The following SFMBT2 variants were observed in gnomAD, a reference collection of about 807,000 sequenced individuals.
SFMBT2 encodes the protein Scm like with four mbt domains 2.
A neutral mutation model predicts 110.1 loss-of-function variants in SFMBT2; 38 were observed. The ratio of observed to expected loss-of-function variants is 0.35; its 90% CI spans 0.27 to 0.45. The LOEUF is 0.45. SFMBT2 is among the 20% of genes least tolerant of loss of function. SFMBT2 has a pLI of 1.00. For missense variants in SFMBT2, 1,011 were observed against 1,094.9 expected (o/e 0.92, Z 1.08); for synonymous variants, 425 against 425.4 (o/e 1.00, Z 0.01).
chr10:7,178,236 C>A (rs1838137065), intron 16 of SFMBT2, among the ~76,000 whole-genome samples: 1 of 152,182 alleles, frequency 6.6e-6, no homozygotes. Flanking sequence ...ACCTTTCCTT[C>A]TCGGTTCACA....
At chr10:7,179,625 A>G (rs972024904) in intron 16 of SFMBT2, among the ~76,000 whole-genome samples, 4 of 152,216 alleles carry the variant, frequency 2.6e-5, no homozygotes, top group African/African-American at 4.8e-5. Flanking sequence ...ATAATGAGAC[A>G]TAAGAACGCA....
At chr10:7,328,085 C>T (rs1843451679) in intron 4 of SFMBT2, among the ~76,000 whole-genome samples, 1 of 152,204 alleles carries the variant, frequency 6.6e-6, no homozygotes, top group African/African-American at 2.4e-5. Flanking sequence ...GGGATCACAC[C>T]ACTAGCAACA....
intron 8 of SFMBT2, 139 bp downstream of exon 8, chr10:7,248,409 G>T: frequency 1.5e-6 from 1 of 668,914 alleles, no homozygotes; most frequent in South Asian, 1.9e-5. Context: ...TGGACTGGAA[G>T]GGCGGCAATC....
At chr10:7,234,688 G>A (rs79374258) in intron 9 of SFMBT2, among the ~76,000 whole-genome samples, 31 of 152,210 alleles carry the variant, frequency 2.0e-4, no homozygotes, top group Admixed American at 3.3e-4. Context: ...CGGGCGGGAC[G>A]ATCTGACAGT....
At chr10:7,193,576 T>A (rs554052244) in intron 15 of SFMBT2, among the ~76,000 whole-genome samples, 1 of 151,054 alleles carries the variant, frequency 6.6e-6, no homozygotes, top group African/African-American at 2.4e-5. Context: ...CTCACCTTCA[T>A]CATGGGTCTG....
At chr10:7,361,751 C>T (rs1178534843) in intron 4 of SFMBT2, among the ~76,000 whole-genome samples, 1 of 152,158 alleles carries the variant, frequency 6.6e-6, no homozygotes, top group East Asian at 1.9e-4. Context: ...ATAATTCCAA[C>T]ACTTTTATGG....
rs1261239357 is a variant in SFMBT2 at position 7,301,839 on chromosome 10, A to AG, written c.437-15886dup. Among the ~76,000 whole-genome samples the AG allele has an allele frequency of 6.6e-6, 1 of 151,992 alleles. No individual in the cohort carries two copies. Among genetic ancestry groups the AG allele is most frequent in the East Asian group, 1.9e-4 (1 of 5,168 alleles). On this transcript the variant is annotated intron_variant, in intron 4 of 20. Coordinates refer to ENST00000397167, the MANE Select transcript of SFMBT2 (RefSeq NM_001387889.1). This position sits in a 1 kb window ranked among gnomAD's most constrained non-coding sequence, Gnocchi z 4.2. ...GAACTGCGTGGCTCTAGACTATCGAAGGGGAAAAAAAACCACTGGTGTAGA... is the reference window on the plus strand; with the variant it reads ...GAACTGCGTGGCTCTAGACTATCGAAGGGGGAAAAAAAACCACTGGTGTAGA...
chr10:7,393,386 C>G (rs1306907994), intron 1 of SFMBT2, among the ~76,000 whole-genome samples: 2 of 152,042 alleles, frequency 1.3e-5, no homozygotes, highest in Non-Finnish European at 2.9e-5. Flanking sequence ...AACTTTCATT[C>G]AATAAGAAAA....
intron 2 of SFMBT2, among the ~76,000 whole-genome samples, chr10:7,373,469 C>G (rs931433391): frequency 6.6e-6 from 1 of 152,150 alleles, no homozygotes; most frequent in Non-Finnish European, 1.5e-5. Context: ...CTCCCAAGAA[C>G]GATGATGGAT....
rs1837863278 is a variant in SFMBT2 at position 7,171,178 on chromosome 10, T to A, written c.2416-122A>T. 4 of 1,516,194 alleles carry A rather than the reference T, an allele frequency of 2.6e-6. No homozygotes were observed. Among genetic ancestry groups the A allele is most frequent in the Non-Finnish European group, 9.0e-7 (1 of 1,115,106 alleles). 93.9% of individuals were successfully genotyped at this position (1,516,194 alleles called of 1,614,324 possible). A position where few individuals can be genotyped will look rare whatever the true frequency, so the allele number is the denominator to read the frequency against. ...CCACTGCCTCCCTTTGCTCCCTCACTGGGCACCTGAAAAAGCTGCACACAC... is the reference window on the plus strand; with the variant it reads ...CCACTGCCTCCCTTTGCTCCCTCACAGGGCACCTGAAAAAGCTGCACACAC... On this transcript the variant is annotated intron_variant, in intron 19 of 20. Coordinates refer to ENST00000397167, the MANE Select transcript of SFMBT2 (RefSeq NM_001387889.1). This position sits in a 1 kb window ranked among gnomAD's most constrained non-coding sequence, Gnocchi z 4.9.
chr10:7,360,369 A>T (rs1437012364), intron 4 of SFMBT2, among the ~76,000 whole-genome samples: 2 of 152,180 alleles, frequency 1.3e-5, no homozygotes, highest in African/African-American at 4.8e-5. Flanking sequence ...CATGAGGCTG[A>T]GGTAGAAGGA....
chr10:7,377,791 T>C lies in SFMBT2; in HGVS notation c.100+4008A>G, dbSNP rs966529533. 2.0e-5 allele frequency among the ~76,000 whole-genome samples: 3 copies of C among 152,144 alleles called. No homozygotes were observed. In the South Asian group the frequency reaches 6.2e-4, roughly 31 times the overall value. On this transcript the variant is annotated intron_variant, in intron 2 of 20. Coordinates refer to ENST00000397167, the MANE Select transcript of SFMBT2 (RefSeq NM_001387889.1). ...TCCCTCACCTGACACTCACCTCCTG[T>C]GGTGCAGCCCAGTTCGTAACAGCCC...
chr10:7,319,994 CAGAG>C (rs1843132818), intron 4 of SFMBT2, among the ~76,000 whole-genome samples: 2 of 145,208 alleles, frequency 1.4e-5, no homozygotes, highest in African/African-American at 5.1e-5. Context: ...GAGAGAGAGA[CAGAG>C]AGGGAGACAG....
chr10:7,197,517 A>G (rs1211002698), intron 15 of SFMBT2, 31 bp downstream of exon 15: 6 of 1,599,360 alleles, frequency 3.8e-6, no homozygotes, highest in Non-Finnish European at 5.1e-6. Context: ...TCCTGTTAAA[A>G]TAAGCCAAGG....
At chr10:7,278,370 C>T (rs1841845516) in intron 6 of SFMBT2, among the ~76,000 whole-genome samples, 2 of 152,120 alleles carry the variant, frequency 1.3e-5, no homozygotes. Context: ...GCAAGCTGCT[C>T]CATGAGAGCG....
intron 2 of SFMBT2, among the ~76,000 whole-genome samples, chr10:7,380,924 C>T (rs1845401414): frequency 6.6e-6 from 1 of 152,042 alleles, no homozygotes; most frequent in Non-Finnish European, 1.5e-5. Flanking sequence ...TGGGACACAC[C>T]TGTAGTCCCA....
chr10:7,332,417 C>T (rs1843589280), intron 4 of SFMBT2, among the ~76,000 whole-genome samples: 1 of 152,202 alleles, frequency 6.6e-6, no homozygotes, highest in African/African-American at 2.4e-5. Flanking sequence ...AAAAGCTCTA[C>T]TATTTATGCA....
chr10:7,176,497 T>C, intron 16 of SFMBT2: 1 of 985,292 alleles, frequency 1.0e-6, no homozygotes, highest in Non-Finnish European at 1.2e-6. Context: ...CGAAATGAGG[T>C]TAGTGAAATC....
At chr10:7,354,001 C>T (rs1484052699) in intron 4 of SFMBT2, among the ~76,000 whole-genome samples, 16 of 151,256 alleles carry the variant, frequency 1.1e-4, no homozygotes, top group Non-Finnish European at 1.8e-4. Flanking sequence ...GCAGGAGAAT[C>T]GCTCGAACCC....
Sources: gnomAD v4.1 joint callset for allele counts (sites outside exome capture counted in the v4.1 genomes callset) on GRCh38, gnomAD v4.1.1 for gene constraint, Gnocchi (gnomAD v3.1) non-coding constraint, MANE v1.5 for transcripts, NCBI Gene and HGNC (gene_info 2026-07-23, HGNC 2026-07-21) for gene names.